The following ASPM variants were observed in gnomAD, a reference collection of about 807,000 sequenced individuals.
ASPM encodes the protein assembly factor for spindle microtubules.
ASPM carries 256 observed loss-of-function variants against 366.4 expected under a neutral mutation model. That is an observed-to-expected ratio of 0.70 (90% CI 0.63 to 0.77). The LOEUF (loss-of-function observed/expected upper bound fraction) is 0.77. Among genes scored for constraint, ASPM ranks in the 30% least tolerant of loss-of-function variants. ASPM has a pLI of 0.00. For missense variants in ASPM, 4,146 were observed against 4,090.4 expected, an observed-to-expected ratio of 1.01 and a Z score of -0.37; for synonymous variants, 1,414 against 1,342.9, an observed-to-expected ratio of 1.05 and a Z score of -1.16.
rs1458838648 is a variant in ASPM at position 197,093,553 on chromosome 1, G to A, written c.9085-292C>T. 6.6e-5 allele frequency among the ~76,000 whole-genome samples: 10 copies of A among 151,740 alleles called. No homozygotes were observed. In the Admixed American group the frequency reaches 6.6e-4, roughly 10 times the overall value. On this transcript the variant is annotated intron_variant, in intron 20 of 27. Transcript: ENST00000367409. ...AGAGGGAAAAGGACTAACATTACAGGACAAATACATTTAATAAAAATGCTA... is the reference window on the plus strand; with the variant it reads ...AGAGGGAAAAGGACTAACATTACAGAACAAATACATTTAATAAAAATGCTA...
chr1:197,104,815 T>C lies in ASPM; in HGVS notation c.4436A>G (p.Lys1479Arg), dbSNP rs115594989. 292 of 1,580,280 alleles carry C rather than the reference T, an allele frequency of 1.8e-4. 1 individual carries two copies. The African/African-American group carries it at 3.8e-3, about 20-fold the overall frequency. ...AATATAAATATATTTCCGTAATTCT[T>C]TATGCATTCTATACCATGATTGTAT... ...IIIQSWYRMH[K>R]ELRKYIYIRS... The change falls in exon 18 of 28, where the codon AAA (lysine) becomes AGA (arginine). Residue 1479 changes from lysine to arginine, a missense_variant. By Grantham distance (26) the Lys-to-Arg change is conservative. Around this residue, in one of 3 missense-constraint regions of ASPM, gnomAD observed 3,624 missense variants for 3,591.7 expected, o/e 1.01. Coordinates refer to ENST00000367409, the MANE Select transcript of ASPM (RefSeq NM_018136.5).
Position 197,142,548 on chromosome 1 carries a change from T to C in ASPM, c.1704A>G (p.Thr568=). The C allele has an allele frequency of 6.2e-7, 1 of 1,614,044 alleles. No homozygotes were observed. The highest frequency in any genetic ancestry group is 8.5e-7 in the Non-Finnish European group (1 of 1,179,884). ...YKNEVTPSST[T]ASVARKRKSD... is the part of the protein sequence containing the mutation. ...TCTTTCTTTTCCGAGCAACTGAAGCTGTTGTCGAAGAGGGTGTTACCTCGT... is the reference window on the plus strand; with the variant it reads ...TCTTTCTTTTCCGAGCAACTGAAGCCGTTGTCGAAGAGGGTGTTACCTCGT... The change falls in exon 3 of 28, where the codon ACA becomes ACG. Residue 568 remains threonine (T), a synonymous_variant. Transcript: ENST00000367409.
In ASPM at chr1:197,128,536, C is replaced by T. The variant is rs575826811; in HGVS notation, c.2890G>A (p.Ala964Thr). 1.9e-6 allele frequency: 3 copies of T among 1,613,850 alleles called. No individual in the cohort carries two copies. Among genetic ancestry groups the T allele is most frequent in the South Asian group, 2.2e-5 (2 of 91,080 alleles). Residue 964 changes from alanine (A) to threonine (T), a missense_variant, in exon 10 of 28, where the codon GCC becomes ACC. Ala to Thr is a moderately conservative substitution (Grantham distance 58). Coordinates refer to ENST00000367409, the MANE Select transcript of ASPM (RefSeq NM_018136.5). ...AAGTCTACGGCAAGATTTGTAACGG[C>T]AAAATCAAATTCATCAAATGGTGTC... ...VQTPFDEFDF[A>T]VTNLAVDLQC...
intron 1 of ASPM, among the ~76,000 whole-genome samples, chr1:197,145,601 A>C (rs1658740086): frequency 6.6e-6 from 1 of 152,144 alleles, no homozygotes; most frequent in Non-Finnish European, 1.5e-5. Context: ...TGGCTGATAG[A>C]AATTTTAAAA....
chr1:197,128,577 G>C lies in ASPM; in HGVS notation c.2849C>G (p.Pro950Arg), dbSNP rs1346228345. The C allele has an allele frequency of 2.5e-6, 4 of 1,613,610 alleles. No homozygotes were observed. Among genetic ancestry groups the C allele is most frequent in the Non-Finnish European group, 3.4e-6 (4 of 1,179,640 alleles). Residue 950 changes from proline (P) to arginine (R), a missense_variant, in exon 10 of 28, where the codon CCT (proline) becomes CGT (arginine). Pro to Arg is a moderately radical substitution (Grantham distance 103). This residue lies in a region of ASPM where 3,624 missense variants were observed against 3,591.7 expected (regional missense o/e 1.01). Transcript: ENST00000367409. ...LSRHLGLLGLPVNHVQTPFDE... is the reference protein window; with the variant it reads ...LSRHLGLLGLRVNHVQTPFDE... Reference sequence around the variant, plus strand: ...AAATGGTGTCTGAACATGGTTAACAGGTAATCCCAATAAGCCAAGGTGACG... The same window carrying C: ...AAATGGTGTCTGAACATGGTTAACACGTAATCCCAATAAGCCAAGGTGACG...
chr1:197,086,963 T>G lies in ASPM; in HGVS notation c.10171A>C (p.Ser3391Arg), dbSNP rs1471276252. 1 of 1,608,200 alleles carries G rather than the reference T, an allele frequency of 6.2e-7. No homozygotes were observed. Among genetic ancestry groups the G allele is most frequent in the Non-Finnish European group, 8.5e-7 (1 of 1,179,110 alleles). The part of the protein sequence containing the change: ...KTTNRASDVR[S>R]RSKVVDRIYS... Reference sequence around the variant, plus strand: ...ATACGGTCAACAACTTTGGACCTACTTCGTACATCCTACAAAATAAAATGC... The same window carrying G: ...ATACGGTCAACAACTTTGGACCTACGTCGTACATCCTACAAAATAAAATGC... The change falls in exon 27 of 28, where the codon AGT becomes CGT. Residue 3391 changes from serine to arginine, a missense_variant. Ser to Arg is a moderately radical substitution (Grantham distance 110, BLOSUM62 -1). Coordinates refer to ENST00000367409, the MANE Select transcript of ASPM (RefSeq NM_018136.5).
Position 197,124,119 on chromosome 1 carries a change from A to T in ASPM, c.3381T>A (p.Tyr1127Ter). ...MDWVNAVCAF[Y>*]NKKVENFTVS... ...AAACAAAGAAACTTACCTTTTTATT[A>T]TAGAAGGCACAAACAGCATTTACCC... The change falls in exon 13 of 28, where the codon TAT becomes TAA. Residue 1127 changes from tyrosine to a stop codon, truncating the protein, a stop_gained. Transcript: ENST00000367409. LOFTEE classifies it high-confidence loss of function. The T allele has an allele frequency of 6.2e-7, 1 of 1,608,272 alleles. No individual in the cohort carries two copies. Among genetic ancestry groups the T allele is most frequent in the Non-Finnish European group, 8.5e-7 (1 of 1,175,700 alleles).
Position 197,102,685 on chromosome 1 carries a change from A to C in ASPM, c.6566T>G (p.Met2189Arg). 1 of 1,612,714 alleles carries C rather than the reference A, an allele frequency of 6.2e-7. No individual in the cohort carries two copies. The highest frequency in any genetic ancestry group is 8.5e-7 in the Non-Finnish European group (1 of 1,179,294). ...GVRVRRTLRK[M>R]QTAATLIQSN... ...CTGAATGAGTGTTGCTGCAGTCTGC[A>C]TCTTTCTAAGAGTCCGTCTAACTCT... Residue 2189 changes from methionine (M) to arginine (R), a missense_variant, in exon 18 of 28, where the codon ATG becomes AGG. Coordinates refer to ENST00000367409, the MANE Select transcript of ASPM (RefSeq NM_018136.5).
chr1:197,101,178 A>G lies in ASPM; in HGVS notation c.8073T>C (p.Ala2691=). The change falls in exon 18 of 28, where the codon GCT becomes GCC. Residue 2691 remains alanine, a synonymous_variant. Transcript: ENST00000367409. ...VRKDIQNMHR[A]ATLIQSFYRM... The stretch of plus-strand genomic sequence containing the variant: ...GATAGAATGACTGAATTAGTGTGGC[A>G]GCCCGGTGCATATTTTGAATATCCT... The G allele has an allele frequency of 6.2e-7, 1 of 1,612,438 alleles. No homozygotes were observed. The highest frequency in any genetic ancestry group is 8.5e-7 in the Non-Finnish European group (1 of 1,179,108).
Position 197,117,914 on chromosome 1 carries a change from T to C in ASPM, c.3940A>G (p.Lys1314Glu). ...ATGACGAGTGCTGCATTAACTCTTT[T>C]TCTCAATCTTTGTTTTGCTAGAAAA... ...INFLAKQRLR[K>E]RVNAALVIQK... The change falls in exon 17 of 28, where the codon AAA becomes GAA. Residue 1314 changes from lysine to glutamate, a missense_variant. Lys to Glu is a moderately conservative substitution (Grantham distance 56). This residue lies in a region of ASPM where 3,624 missense variants were observed against 3,591.7 expected (regional missense o/e 1.01). Transcript: ENST00000367409. 10 of 1,613,660 alleles carry C rather than the reference T, an allele frequency of 6.2e-6. No homozygotes were observed. Among genetic ancestry groups the C allele is most frequent in the Non-Finnish European group, 8.5e-6 (10 of 1,179,674 alleles).
chr1:197,113,712 A>G (rs1397314694), intron 17 of ASPM, among the ~76,000 whole-genome samples: 1 of 152,220 alleles, frequency 6.6e-6, no homozygotes, highest in African/African-American at 2.4e-5. Flanking sequence ...CTGGGAGAAG[A>G]CACAACACAC....
chr1:197,129,163 TA>T (rs1409066765), intron 9 of ASPM, 23 bp downstream of exon 9: 1 of 1,605,662 alleles, frequency 6.2e-7, no homozygotes, highest in African/African-American at 1.3e-5. Flanking sequence ...ATATAAAATA[TA>T]AAGCATACAA....
chr1:197,104,547 T>C lies in ASPM; in HGVS notation c.4704A>G (p.Ser1568=), dbSNP rs1285665205. ...CTCTGTCTTGTCTCATTCTCCAGTA[T>C]GACTGAATAACACAAGCAGCTCTAA... ...RQIRAACVIQ[S]YWRMRQDRVR... The change falls in exon 18 of 28, where the codon TCA becomes TCG. Residue 1568 remains serine (S), a synonymous_variant. Coordinates refer to ENST00000367409, the MANE Select transcript of ASPM (RefSeq NM_018136.5). The C allele has an allele frequency of 1.2e-6, 2 of 1,612,714 alleles. No homozygotes were observed. Among genetic ancestry groups the C allele is most frequent in the African/African-American group, 2.7e-5 (2 of 74,868 alleles).
Position 197,133,535 on chromosome 1 carries a change from G to A in ASPM, c.2234C>T (p.Ala745Val). 1 of 1,613,680 alleles carries A rather than the reference G, an allele frequency of 6.2e-7. No homozygotes were observed. The highest frequency in any genetic ancestry group is 8.5e-7 in the Non-Finnish European group (1 of 1,179,656). ...ENQHKISVPR[A>V]PTKEEMSLRA... is the part of the protein sequence containing the mutation. ...GAGAGACATTTCCTCTTTTGTAGGTGCTCTAGGAACACTTATTTTATGTTG... is the reference window on the plus strand; with the variant it reads ...GAGAGACATTTCCTCTTTTGTAGGTACTCTAGGAACACTTATTTTATGTTG... Residue 745 changes from alanine to valine, a missense_variant, in exon 6 of 28, where the codon GCA becomes GTA. By Grantham distance (64) the Ala-to-Val change is moderately conservative (BLOSUM62 0). This residue lies in a region of ASPM where 3,624 missense variants were observed against 3,591.7 expected (regional missense o/e 1.01). Transcript: ENST00000367409.
In ASPM at chr1:197,102,364, T is replaced by C. The variant is rs1657221260; in HGVS notation, c.6887A>G (p.Tyr2296Cys). The change falls in exon 18 of 28, where the codon TAT (tyrosine) becomes TGT (cysteine). Residue 2296 changes from tyrosine (Y) to cysteine (C), a missense_variant. Tyr to Cys is a radical substitution (Grantham distance 194). Coordinates refer to ENST00000367409, the MANE Select transcript of ASPM (RefSeq NM_018136.5). ...KKTAILIQRK[Y>C]RAHLCTKHHL... ...ATGCTTTGTACAAAGATGTGCCCGA[T>C]ATTTTCTCTGAATCAAAATAGCAGT... 7 of 1,612,730 alleles carry C rather than the reference T, an allele frequency of 4.3e-6. No individual in the cohort carries two copies. Among genetic ancestry groups the C allele is most frequent in the Admixed American group, 1.7e-5 (1 of 59,774 alleles).
At position 197,146,424 on chromosome 1, in the gene ASPM, C is replaced by T; in HGVS notation, c.14G>A (p.Arg5Gln). The T allele has an allele frequency of 6.2e-7, 1 of 1,608,306 alleles. No homozygotes were observed. ...CACTTCCCAGCAGCCTCGCCCCACT[C>T]GCCGGTTCGCCATGGCAGATTCGAG... The part of the protein sequence containing the change: MANR[R>Q]VGRGCWEVSP... Residue 5 changes from arginine to glutamine, a missense_variant, in exon 1 of 28, where the codon CGA becomes CAA. By Grantham distance (43) the Arg-to-Gln change is conservative (BLOSUM62 1). Coordinates refer to ENST00000367409, the MANE Select transcript of ASPM (RefSeq NM_018136.5).
intron 16 of ASPM, 49 bp from the exon 17 acceptor site, chr1:197,118,032 T>C: frequency 6.6e-7 from 1 of 1,515,382 alleles, no homozygotes; most frequent in Non-Finnish European, 9.1e-7. Context: ...ACTTAAGACC[T>C]TAAATTATTC....
chr1:197,133,616 G>T, intron 5 of ASPM, 21 bp from the exon 6 acceptor site: 1 of 1,607,424 alleles, frequency 6.2e-7, no homozygotes, highest in African/African-American at 1.3e-5. Flanking sequence ...ACAAAAGAAA[G>T]AATGTTTCTG....
At position 197,122,217 on chromosome 1, in the gene ASPM, C is replaced by T. The variant is rs867611929; in HGVS notation, c.3683G>A (p.Gly1228Asp). The part of the protein sequence containing the change: ...HLVRSAVRDL[G>D]GIPAMINHSD... ...ATGATTAATCATAGCAGGTATTCCA[C>T]CAAGGTCTCTAACTGCAGACCTAAC... The change falls in exon 15 of 28, where the codon GGT (glycine) becomes GAT (aspartate). Residue 1228 changes from glycine (G) to aspartate (D), a missense_variant. Gly to Asp is a moderately conservative substitution (Grantham distance 94). This residue lies in a region of ASPM where 3,624 missense variants were observed against 3,591.7 expected (regional missense o/e 1.01). Transcript: ENST00000367409. 11 of 1,612,662 alleles carry T rather than the reference C, an allele frequency of 6.8e-6. No individual in the cohort carries two copies. Among genetic ancestry groups the T allele is most frequent in the Middle Eastern group, 1.7e-4 (1 of 6,050 alleles).
Sources: allele counts gnomAD v4.1 joint callset (sites outside exome capture counted in the v4.1 genomes callset), GRCh38; gene constraint gnomAD v4.1.1; regional missense constraint gnomAD v4.1.1; transcripts MANE v1.5; gene names NCBI Gene and HGNC (gene_info 2026-07-23, HGNC 2026-07-21).